Variants in PPP1R21 observed in about 807,000 individuals in gnomAD.
The protein encoded by PPP1R21 is protein phosphatase 1 regulatory subunit 21, also known as KLRAQ motif containing 1.
In PPP1R21, 85 loss-of-function variants were observed where a neutral mutation model predicts 112.8. The observed-to-expected ratio is 0.75, with a 90% CI of 0.63 to 0.90. PPP1R21 has a LOEUF of 0.90. Ranked by LOEUF, PPP1R21 falls within the 40% of genes least tolerant of loss-of-function variation. The pLI, the probability that PPP1R21 is intolerant of heterozygous loss-of-function variation, is 0.00. For synonymous variants in PPP1R21, 381 were observed against 322.3 expected (o/e 1.18, Z -1.95); for missense variants, 1,199 against 901.5 (o/e 1.33, Z -4.23).
chr2:48,513,118 GGTACATGTTGA>G (rs1286649367), intron 21 of PPP1R21, among the ~76,000 whole-genome samples: 3 of 152,092 alleles, frequency 2.0e-5, no homozygotes, highest in Admixed American at 1.3e-4. Flanking sequence ...AATTGAGAAA[GGTACATGTTGA>G]GTACAGCAAA....
chr2:48,493,634 C>T (rs1669670960), intron 15 of PPP1R21, among the ~76,000 whole-genome samples: 1 of 152,076 alleles, frequency 6.6e-6, no homozygotes, highest in African/African-American at 2.4e-5. Context: ...ATCTTTAATT[C>T]ATCCAGAATT....
In PPP1R21 at chr2:48,514,962, C is replaced by T. The variant is rs1347409794; in HGVS notation, c.*218C>T. 2 of 551,266 alleles carry T rather than the reference C, an allele frequency of 3.6e-6. No homozygotes were observed. Among genetic ancestry groups the T allele is most frequent in the Non-Finnish European group, 6.4e-6 (2 of 313,436 alleles). 34.1% of individuals were successfully genotyped at this position (551,266 alleles called of 1,614,324 possible). ...GTTGATGTCGGCAGTAAATGGAAAA[C>T]AATACGTATGTCATGGATATTGTAG... is the stretch of plus-strand genomic sequence containing the variant. On this transcript the variant is annotated 3_prime_UTR_variant, in exon 22 of 22. Transcript: ENST00000294952.
In PPP1R21 at chr2:48,505,590, C is replaced by T. The variant is rs975103967; in HGVS notation, c.1962C>T (p.Asp654=). 4 of 1,550,212 alleles carry T rather than the reference C, an allele frequency of 2.6e-6. No homozygotes were observed. Among genetic ancestry groups the T allele is most frequent in the Non-Finnish European group, 2.6e-6 (3 of 1,145,156 alleles). The part of the protein sequence containing the change: ...SLIGTLTRTS[D]SEVPDVESRE... ...TTGGGACTTTAACCAGGACATCTGA[C>T]AGTGAGGTAACATGTGCTTGTCATC... The change falls in exon 18 of 22, where the codon GAC becomes GAT. Residue 654 remains aspartate (D), a synonymous_variant. Coordinates refer to ENST00000294952, the MANE Select transcript of PPP1R21 (RefSeq NM_001135629.3).
chr2:48,453,323 T>G (rs1426561336), intron 2 of PPP1R21, among the ~76,000 whole-genome samples: 1 of 152,200 alleles, frequency 6.6e-6, no homozygotes, highest in Non-Finnish European at 1.5e-5. Flanking sequence ...TATAATTGTT[T>G]CAGTGAAATT....
At chr2:48,461,935 A>C (rs1667996584) in intron 7 of PPP1R21, among the ~76,000 whole-genome samples, 1 of 152,130 alleles carries the variant, frequency 6.6e-6, no homozygotes. Flanking sequence ...AAGAGGAAGA[A>C]AAAAAAAGAA....
At chr2:48,498,471 C>A (rs3811519) in intron 16 of PPP1R21, 22 bp from the exon 17 acceptor site, 1 of 1,609,624 alleles carries the variant, frequency 6.2e-7, no homozygotes, top group African/African-American at 1.3e-5. Context: ...CTCTAAGATA[C>A]AACACTCTGT....
chr2:48,507,513 G>A, intron 19 of PPP1R21, 128 bp downstream of exon 19: 2 of 1,402,466 alleles, frequency 1.4e-6, no homozygotes. Flanking sequence ...GACTATGGGT[G>A]TGTACCACCA....
intron 21 of PPP1R21, among the ~76,000 whole-genome samples, chr2:48,514,308 G>T (rs1228052327): frequency 1.3e-5 from 2 of 151,908 alleles, no homozygotes; most frequent in Non-Finnish European, 2.9e-5. Flanking sequence ...GGATGGTCTC[G>T]ATCTCCTGAC....
intron 8 of PPP1R21, 150 bp from the exon 9 acceptor site, chr2:48,465,343 G>A: frequency 6.2e-6 from 5 of 808,908 alleles, no homozygotes; most frequent in East Asian, 2.8e-5. Flanking sequence ...ACTTAGATAG[G>A]AATATTAAAA....
intron 13 of PPP1R21, among the ~76,000 whole-genome samples, chr2:48,480,997 A>C (rs1668985377): frequency 6.6e-6 from 1 of 152,032 alleles, no homozygotes; most frequent in South Asian, 2.1e-4. Flanking sequence ...GGAACTTTAT[A>C]ATTTTTTCTG....
At chr2:48,503,705 T>C (rs948571621) in intron 17 of PPP1R21, among the ~76,000 whole-genome samples, 1 of 152,060 alleles carries the variant, frequency 6.6e-6, no homozygotes, top group Non-Finnish European at 1.5e-5. Context: ...CCCAGCACTT[T>C]GGGAGGCCGA....
At chr2:48,491,548 A>AAG (rs1669563997) in intron 15 of PPP1R21, among the ~76,000 whole-genome samples, 1 of 147,368 alleles carries the variant, frequency 6.8e-6, no homozygotes. Context: ...GCAAAAAAAA[A>AAG]GAAAAAAAAA....
chr2:48,443,604 C>T (rs1667125046), intron 1 of PPP1R21, among the ~76,000 whole-genome samples: 1 of 152,178 alleles, frequency 6.6e-6, no homozygotes, highest in Non-Finnish European at 1.5e-5. Context: ...GGGGTCATCT[C>T]CCCTATTGGA....
chr2:48,465,565 C>G lies in PPP1R21; in HGVS notation c.820C>G (p.His274Asp). The G allele has an allele frequency of 6.2e-7, 1 of 1,613,918 alleles. No homozygotes were observed. Among genetic ancestry groups the G allele is most frequent in the Non-Finnish European group, 8.5e-7 (1 of 1,179,852 alleles). The change falls in exon 9 of 22, where the codon CAT becomes GAT. Residue 274 changes from histidine (H) to aspartate (D), a missense_variant. Physicochemically the swap from His to Asp is moderately conservative, Grantham distance 81. Transcript: ENST00000294952. The part of the protein sequence containing the change: ...QDLVTALLNF[H>D]TYTEQRIQIF... ...TCTTGTGACGGCTCTTCTAAACTTT[C>G]ATACCTACACAGAACAGAGGATTCA... is the stretch of plus-strand genomic sequence containing the variant.
At chr2:48,489,104 C>T (rs1403789652) in intron 14 of PPP1R21, among the ~76,000 whole-genome samples, 2 of 152,066 alleles carry the variant, frequency 1.3e-5, no homozygotes, top group Non-Finnish European at 2.9e-5. Context: ...AACTTTTGAC[C>T]AATTTTTGCC....
chr2:48,469,337 TATATATATATAGCATATATATATAGAGC>T (rs1489201716), intron 9 of PPP1R21, among the ~76,000 whole-genome samples: 1,088 of 12,348 alleles, frequency 0.088, 109 homozygotes, highest in African/African-American at 0.28. Flanking sequence ...ATATAGAGCA[TATATATATATAGCATATATATATAGAGC>T]ATATATATAT....
intron 14 of PPP1R21, among the ~76,000 whole-genome samples, chr2:48,490,246 A>G (rs1669502990): frequency 6.6e-6 from 1 of 151,546 alleles, no homozygotes; most frequent in Non-Finnish European, 1.5e-5. Flanking sequence ...AAAAGAAAGA[A>G]AAGAAAAAAA....
At chr2:48,444,656 A>T (rs951032673) in intron 1 of PPP1R21, among the ~76,000 whole-genome samples, 1 of 152,220 alleles carries the variant, frequency 6.6e-6, no homozygotes, top group South Asian at 2.1e-4. Flanking sequence ...ACCTGAAACA[A>T]CATCATCTGG....
intron 11 of PPP1R21, among the ~76,000 whole-genome samples, chr2:48,472,013 G>T (rs540047117): frequency 1.6e-4 from 25 of 152,066 alleles, no homozygotes; most frequent in African/African-American, 4.8e-4. Context: ...GCTGAGGTGG[G>T]TGGATCACTT....
Sources: allele counts gnomAD v4.1 joint callset (sites outside exome capture counted in the v4.1 genomes callset), GRCh38; gene constraint gnomAD v4.1.1; transcripts MANE v1.5; gene names NCBI Gene and HGNC (gene_info 2026-07-23, HGNC 2026-07-21).